Variants in REG4 observed in about 807,000 individuals in gnomAD.
The protein encoded by REG4 is regenerating family member 4, also known as regenerating islet-derived protein 4.
A neutral mutation model predicts 22.3 loss-of-function variants in REG4; 16 were observed. The ratio of observed to expected loss-of-function variants is 0.72; its 90% CI spans 0.49 to 1.09. REG4 has a LOEUF of 1.09. Ranked by LOEUF, REG4 falls within the 50% of genes least tolerant of loss-of-function variation. REG4 has a pLI of 0.00. For synonymous variants in REG4, 71 were observed against 69.2 expected (o/e 1.03, Z -0.13); for missense variants, 214 against 193.9 (o/e 1.10, Z -0.61).
At chr1:119,802,852 C>T in intron 3 of REG4, 7 of 1,544,832 alleles carry the variant, frequency 4.5e-6, no homozygotes, top group Non-Finnish European at 6.1e-6. Flanking sequence ...GTGCTTGTAG[C>T]CCATCTAGGG....
Position 119,794,251 on chromosome 1 carries a change from G to C in REG4, c.*367C>G, listed in dbSNP as rs1653860564. On this transcript the variant is annotated 3_prime_UTR_variant, in exon 6 of 6. Transcript: ENST00000256585. ...GGCAGAAGGGTGTAGAAGCTGAAGG[G>C]GTCTAGAAGCTTACTCCTGAGTTTC... 1.8e-6 allele frequency: 1 copy of C among 546,994 alleles called. No homozygotes were observed. The highest frequency in any genetic ancestry group is 1.4e-5 in the South Asian group (1 of 71,356). The allele number at this position is 546,994 out of a possible 1,614,324, so 33.9% of individuals were successfully genotyped here.
rs1168287570 is a variant in REG4, at chr1:119,794,025, A to T, written c.*593T>A. On this transcript the variant is annotated 3_prime_UTR_variant, in exon 6 of 6. Coordinates refer to ENST00000256585, the MANE Select transcript of REG4 (RefSeq NM_032044.4). The stretch of plus-strand genomic sequence containing the variant: ...AGGAGACGAAGAAGCACTTGGGTGT[A>T]TTTCTTGGTCTTATTTCACTTTTCC... 2.0e-6 allele frequency: 1 copy of T among 488,976 alleles called. No homozygotes were observed. Among genetic ancestry groups the T allele is most frequent in the Non-Finnish European group, 4.3e-6 (1 of 234,730 alleles). 30.3% of individuals were successfully genotyped at this position (488,976 alleles called of 1,614,324 possible).
chr1:119,798,824 C>G (rs587727230), intron 4 of REG4, among the ~76,000 whole-genome samples: 1 of 152,160 alleles, frequency 6.6e-6, no homozygotes, highest in Admixed American at 6.5e-5. Flanking sequence ...AATATTTACT[C>G]CATCTGAATG....
At position 119,798,490 on chromosome 1, in the gene REG4, A is replaced by C. The variant is rs1653997837; in HGVS notation, c.409+7T>G. 1 of 1,609,696 alleles carries C rather than the reference A, an allele frequency of 6.2e-7. No individual in the cohort carries two copies. The highest frequency in any genetic ancestry group is 8.5e-7 in the Non-Finnish European group (1 of 1,176,044). On this transcript the variant is annotated splice_region_variant and intron_variant, in intron 5 of 5. Coordinates refer to ENST00000256585, the MANE Select transcript of REG4 (RefSeq NM_032044.4). ...GAAGTGGTGAGGGGTGGTGCATTAT[A>C]ACTTACTGTTATTGGAGCTCATCTC...
chr1:119,802,269 G>T (rs996343146), intron 3 of REG4: 4 of 907,302 alleles, frequency 4.4e-6, no homozygotes, highest in East Asian at 1.2e-4. Context: ...GAAATGTTCT[G>T]TTTAAATGTC....
At chr1:119,798,076 C>T (rs1163542) in intron 5 of REG4, among the ~76,000 whole-genome samples, 42,829 of 152,022 alleles carry the variant, frequency 0.28, 6,325 homozygotes, top group African/African-American at 0.35. Context: ...AAAGACCGGC[C>T]TTCCAGGGCT....
Position 119,803,090 on chromosome 1 carries a change from A to C in REG4, c.143T>G (p.Leu48Arg). Residue 48 changes from leucine to arginine, a missense_variant, in exon 3 of 6, where the codon CTG (leucine) becomes CGG (arginine). Physicochemically the swap from Leu to Arg is moderately radical, Grantham distance 102 (BLOSUM62 -2). Transcript: ENST00000256585. ...TACCTCGGCATCAGACCAGTTCCTC[A>C]GCTTCCTGAAGTAACCATAGCAATT... Reference protein sequence around the residue: ...KSNCYGYFRKLRNWSDAELEC... With the variant: ...KSNCYGYFRKRRNWSDAELEC... 6.3e-7 allele frequency: 1 copy of C among 1,581,434 alleles called. No homozygotes were observed. Among genetic ancestry groups the C allele is most frequent in the Non-Finnish European group, 8.6e-7 (1 of 1,166,490 alleles).
At chr1:119,798,734 G>A (rs1257247554) in intron 4 of REG4, 132 bp from the exon 5 acceptor site, 14 of 582,826 alleles carry the variant, frequency 2.4e-5, no homozygotes, top group Non-Finnish European at 3.0e-5. Flanking sequence ...GCTTAAAGAA[G>A]GAAAAAGAGA....
At position 119,798,583 on chromosome 1, in the gene REG4, A is replaced by G. The variant is rs773472965; in HGVS notation, c.323T>C (p.Ile108Thr). ...TCTGTACAGATACATGGCCCCATCA[A>G]TCCACTGCCACTGCTGCCTCTGCAA... ...DPQKRQQWQWIDGAMYLYRSW... is the reference protein window; with the variant it reads ...DPQKRQQWQWTDGAMYLYRSW... The change falls in exon 5 of 6, where the codon ATT (isoleucine) becomes ACT (threonine). Residue 108 changes from isoleucine to threonine, a missense_variant. Transcript: ENST00000256585. 1.2e-6 allele frequency: 2 copies of G among 1,614,158 alleles called. No individual in the cohort carries two copies. The highest frequency in any genetic ancestry group is 1.7e-5 in the Admixed American group (1 of 60,026).
chr1:119,806,728 G>A (rs1285449379), intron 2 of REG4, among the ~76,000 whole-genome samples: 1 of 152,076 alleles, frequency 6.6e-6, no homozygotes, highest in Admixed American at 6.6e-5. Context: ...GCTAGAGCTC[G>A]TCATCTCTAC....
chr1:119,795,894 T>C (rs1217151646), intron 5 of REG4, among the ~76,000 whole-genome samples: 1 of 152,276 alleles, frequency 6.6e-6, no homozygotes, highest in East Asian at 1.9e-4. Flanking sequence ...CAGCAGGTCC[T>C]TTTGAGGTTG....
intron 3 of REG4, chr1:119,802,665 G>A (rs1654147753): frequency 1.4e-6 from 2 of 1,379,372 alleles, no homozygotes; most frequent in East Asian, 2.7e-5. Flanking sequence ...CGGCTCCAAG[G>A]TGTCTGCTCC....
chr1:119,799,978 C>T, intron 3 of REG4, 116 bp from the exon 4 acceptor site: 3 of 1,325,822 alleles, frequency 2.3e-6, no homozygotes, highest in Non-Finnish European at 3.1e-6. Context: ...TTCCTCCACA[C>T]ATCGTGCTCT....
chr1:119,794,727 T>G, intron 5 of REG4, 42 bp from the exon 6 acceptor site: 4 of 1,554,632 alleles, frequency 2.6e-6, no homozygotes, highest in Non-Finnish European at 3.6e-6. Flanking sequence ...TTCAGTACTA[T>G]ACTGAGCTTG....
At position 119,803,166 on chromosome 1, in the gene REG4, C is replaced by G. The variant is rs1433718278; in HGVS notation, c.68-1G>C. ...GCACAGCTGGGTCTCATGATGATATCTGCACATAAACAAAAGGCAATTGCA... is the reference window on the plus strand; with the variant it reads ...GCACAGCTGGGTCTCATGATGATATGTGCACATAAACAAAAGGCAATTGCA... On this transcript the variant is annotated splice_acceptor_variant, in intron 2 of 5. Coordinates refer to ENST00000256585, the MANE Select transcript of REG4 (RefSeq NM_032044.4). LOFTEE classifies it high-confidence loss of function. 2 of 1,513,512 alleles carry G rather than the reference C, an allele frequency of 1.3e-6. No individual in the cohort carries two copies. Among genetic ancestry groups the G allele is most frequent in the African/African-American group, 2.8e-5 (2 of 71,530 alleles). The allele number at this position is 1,513,512 out of a possible 1,614,324, so 93.8% of individuals were successfully genotyped here.
chr1:119,810,931 G>A (rs745760087), intron 1 of REG4, among the ~76,000 whole-genome samples: 1 of 152,150 alleles, frequency 6.6e-6, no homozygotes, highest in Admixed American at 6.5e-5. Context: ...GCAAGTGCCT[G>A]TAATCACAGC....
chr1:119,801,034 A>G (rs587769082), intron 3 of REG4: 16 of 152,298 alleles, frequency 1.1e-4, no homozygotes, highest in African/African-American at 3.8e-4. Flanking sequence ...AGGCCATGCA[A>G]TCTGAATTTT....
chr1:119,798,383 T>C (rs1211364173), intron 5 of REG4, 114 bp downstream of exon 5: 1 of 770,080 alleles, frequency 1.3e-6, no homozygotes, highest in Admixed American at 1.9e-5. Flanking sequence ...AGAAAAGAGT[T>C]GTTGGTGTGG....
chr1:119,802,040 C>T (rs1220953604), intron 3 of REG4: 2 of 146,068 alleles, frequency 1.4e-5, no homozygotes, highest in Non-Finnish European at 3.0e-5. Flanking sequence ...GGTTCCCAGA[C>T]ATCTTCCTCT....
Sources: allele counts gnomAD v4.1 joint callset (sites outside exome capture counted in the v4.1 genomes callset), GRCh38; gene constraint gnomAD v4.1.1; transcripts MANE v1.5; gene names NCBI Gene and HGNC (gene_info 2026-07-23, HGNC 2026-07-21).